The following ZNF516 variants were observed in gnomAD, a reference collection of about 807,000 sequenced individuals.
ZNF516 encodes the protein zinc finger protein 516.
Under a neutral mutation model 79.7 loss-of-function variants are expected in ZNF516, and 19 were observed. The ratio of observed to expected loss-of-function variants is 0.24; its 90% CI spans 0.17 to 0.35. The LOEUF (loss-of-function observed/expected upper bound fraction) is 0.35. ZNF516 is among the 10% of genes least tolerant of loss of function. ZNF516 has a pLI of 1.00. For synonymous variants in ZNF516, 877 were observed against 739.5 expected, an observed-to-expected ratio of 1.19 and a Z score of -3.02; for missense variants, 1,678 against 1,679.5, an observed-to-expected ratio of 1.00 and a Z score of 0.02.
At chr18:76,487,905 A>G (rs1914922687) in intron 1 of ZNF516, 1 of 983,980 alleles carries the variant, frequency 1.0e-6, no homozygotes, top group African/African-American at 1.7e-5. Context: ...AGGACTGAGG[A>G]TGAGAGCCCC....
chr18:76,411,591 C>T (rs750650651), intron 3 of ZNF516, among the ~76,000 whole-genome samples: 3 of 152,110 alleles, frequency 2.0e-5, no homozygotes, highest in Non-Finnish European at 2.9e-5. Flanking sequence ...TTACAAAATA[C>T]GCCAAAAGCA....
At chr18:76,479,553 CACAGG>C (rs1568326561) in intron 1 of ZNF516, among the ~76,000 whole-genome samples, 1 of 152,172 alleles carries the variant, frequency 6.6e-6, no homozygotes, top group Admixed American at 6.5e-5. Flanking sequence ...AGGGAAGACG[CACAGG>C]CGTTCGTAAC....
intron 3 of ZNF516, among the ~76,000 whole-genome samples, chr18:76,439,415 TA>T (rs780109280): frequency 1.3e-4 from 20 of 152,354 alleles, no homozygotes; most frequent in Non-Finnish European, 2.4e-4. Context: ...TAAGCTGAAA[TA>T]TCCTATTTAT....
chr18:76,459,466 T>A lies in ZNF516; in HGVS notation c.-158+3562A>T, dbSNP rs1056181541. On this transcript the variant is annotated intron_variant, in intron 2 of 6. Transcript: ENST00000443185. This position sits in a 1 kb window ranked among gnomAD's most constrained non-coding sequence, Gnocchi z 5.0. ...GCCAGGGAGGCCTCGCGTGCCAAGC[T>A]GGCCCTGAGCTCAGCCCAGGATTTG... Among the ~76,000 whole-genome samples, 1 of 152,226 alleles carries A rather than the reference T, an allele frequency of 6.6e-6. No homozygotes were observed. The highest frequency in any genetic ancestry group is 1.5e-5 in the Non-Finnish European group (1 of 68,026).
chr18:76,414,958 G>T (rs952142157), intron 3 of ZNF516, among the ~76,000 whole-genome samples: 3 of 151,892 alleles, frequency 2.0e-5, no homozygotes, highest in African/African-American at 7.3e-5. Context: ...AGCACTTTGG[G>T]AGGCCGAGGT....
chr18:76,391,463 A>T (rs922545408), intron 3 of ZNF516, among the ~76,000 whole-genome samples: 5 of 151,892 alleles, frequency 3.3e-5, no homozygotes, highest in Non-Finnish European at 7.4e-5. Context: ...TCTAACCCTA[A>T]CCCCTTACCC....
At chr18:76,492,973 C>T (rs902997146) in intron 1 of ZNF516, 4 of 985,428 alleles carry the variant, frequency 4.1e-6, no homozygotes, top group Non-Finnish European at 3.6e-6. Flanking sequence ...GGCTCATGCA[C>T]GCGCACGCGC....
chr18:76,382,736 T>C (rs1317908516), intron 3 of ZNF516, among the ~76,000 whole-genome samples: 1 of 151,624 alleles, frequency 6.6e-6, no homozygotes, highest in African/African-American at 2.4e-5. Flanking sequence ...CATGGCAAAA[T>C]GCTGTCTCTA....
At chr18:76,401,297 A>G (rs573325399) in intron 3 of ZNF516, among the ~76,000 whole-genome samples, 1 of 149,556 alleles carries the variant, frequency 6.7e-6, no homozygotes. Flanking sequence ...TCAAGCCCCA[A>G]TTGAACAATG....
chr18:76,379,232 C>A lies in ZNF516; in HGVS notation c.2882G>T (p.Gly961Val). 2 of 1,612,772 alleles carry A rather than the reference C, an allele frequency of 1.2e-6. No homozygotes were observed. The highest frequency in any genetic ancestry group is 4.5e-5 in the East Asian group (2 of 44,856). ...EKFGVPPAGA[G>V]FAPTNKHSAP... ...ACTGTGCTTATTTGTGGGGGCAAAG[C>A]CAGCCCCCGCTGGGGGGACCCCAAA... The change falls in exon 4 of 7, where the codon GGC (glycine) becomes GTC (valine). Residue 961 changes from glycine to valine, a missense_variant. Gly to Val is a moderately radical substitution (Grantham distance 109). Transcript: ENST00000443185.
chr18:76,449,615 T>G (rs1338613345), intron 2 of ZNF516, among the ~76,000 whole-genome samples: 1 of 152,246 alleles, frequency 6.6e-6, no homozygotes, highest in Non-Finnish European at 1.5e-5. Flanking sequence ...ATAGCAATGA[T>G]ATCTATTTTA....
rs374464151 is a variant in ZNF516 at position 76,480,529 on chromosome 18, A to ATATATTTT, written c.-272+14614_-272+14615insAAAATATA. On this transcript the variant is annotated intron_variant, in intron 1 of 6. Coordinates refer to ENST00000443185, the MANE Select transcript of ZNF516 (RefSeq NM_014643.4). ...CACACACACACACACACACACATAT[A>ATATATTTT]TTTTTTTTTTTGAGACGGAGTCTTG... 8.8e-3 allele frequency among the ~76,000 whole-genome samples: 1,256 copies of ATATATTTT among 142,058 alleles called. 27 individuals are homozygous for ATATATTTT. Among genetic ancestry groups the ATATATTTT allele is most frequent in the African/African-American group, 0.028 (1,054 of 38,122 alleles). The allele number at this position is 142,058 out of a possible 152,430, so 93.2% of individuals were successfully genotyped here.
intron 3 of ZNF516, among the ~76,000 whole-genome samples, chr18:76,422,790 G>A (rs1599062852): frequency 6.6e-6 from 1 of 151,940 alleles, no homozygotes; most frequent in Non-Finnish European, 1.5e-5. Flanking sequence ...CATATATTGT[G>A]GGCAGAACAG....
chr18:76,379,721 T>A lies in ZNF516; in HGVS notation c.2393A>T (p.Asn798Ile), dbSNP rs541868634. 1 of 1,613,790 alleles carries A rather than the reference T, an allele frequency of 6.2e-7. No individual in the cohort carries two copies. Among genetic ancestry groups the A allele is most frequent in the Non-Finnish European group, 8.5e-7 (1 of 1,179,878 alleles). Residue 798 changes from asparagine (N) to isoleucine (I), a missense_variant, in exon 4 of 7, where the codon AAT (asparagine) becomes ATT (isoleucine). Transcript: ENST00000443185. ...NSVAPPWIQPNGYKSIRSNLV... is the reference protein window; with the variant it reads ...NSVAPPWIQPIGYKSIRSNLV... The stretch of plus-strand genomic sequence containing the variant: ...ATTGCTTCTGATGCTTTTGTAACCA[T>A]TGGGCTGAATCCACGGGGGAGCCAC...
At chr18:76,464,933 C>A (rs538316763) in intron 1 of ZNF516, among the ~76,000 whole-genome samples, 2 of 152,276 alleles carry the variant, frequency 1.3e-5, no homozygotes, top group Admixed American at 1.3e-4. Context: ...TTTAGTGATG[C>A]GGAGAAACTA....
At chr18:76,378,758 GGGACAT>G (rs1375417965) in intron 4 of ZNF516, 91 bp downstream of exon 4, 1 of 1,480,622 alleles carries the variant, frequency 6.8e-7, no homozygotes. Context: ...TCTGTCCTCA[GGGACAT>G]GGACAGGCAG....
chr18:76,395,093 A>C (rs2075126669), intron 3 of ZNF516, among the ~76,000 whole-genome samples: 1 of 151,984 alleles, frequency 6.6e-6, no homozygotes, highest in Admixed American at 6.5e-5. Flanking sequence ...GGATGGAGCA[A>C]AGTCACAGAC....
At chr18:76,399,536 T>C (rs561806517) in intron 3 of ZNF516, among the ~76,000 whole-genome samples, 1 of 152,336 alleles carries the variant, frequency 6.6e-6, no homozygotes, top group South Asian at 2.1e-4. Context: ...GCAATTGACT[T>C]AAAGTATGTT....
intron 2 of ZNF516, among the ~76,000 whole-genome samples, chr18:76,461,963 T>C (rs1336388987): frequency 6.6e-6 from 1 of 152,248 alleles, no homozygotes; most frequent in African/African-American, 2.4e-5. Context: ...GCCCTCCTCC[T>C]GTGACTCTGT....
Sources: allele counts gnomAD v4.1 joint callset (sites outside exome capture counted in the v4.1 genomes callset), GRCh38; gene constraint gnomAD v4.1.1; non-coding constraint Gnocchi (gnomAD v3.1); transcripts MANE v1.5; gene names NCBI Gene and HGNC (gene_info 2026-07-23, HGNC 2026-07-21).